ALOX12B: variants seen among roughly 807,000 people sequenced by gnomAD.
The protein encoded by ALOX12B is arachidonate 12-lipoxygenase, 12R type.
Under a neutral mutation model 78.9 loss-of-function variants are expected in ALOX12B, and 47 were observed. That is an observed-to-expected ratio of 0.60 (90% confidence interval 0.47 to 0.76). The LOEUF is 0.76. Ranked by LOEUF, ALOX12B falls within the 30% of genes least tolerant of loss-of-function variation. The probability of loss-of-function intolerance (pLI) is 0.00; values close to 1 mark genes in which losing one functional copy is unlikely to be tolerated. For synonymous variants in ALOX12B, 370 were observed against 374.5 expected, an observed-to-expected ratio of 0.99 and a Z score of 0.14; for missense variants, 805 against 922.6, an observed-to-expected ratio of 0.87 and a Z score of 1.65.
intron 2 of ALOX12B, 151 bp downstream of exon 2, chr17:8,085,865 G>T: frequency 1.1e-6 from 1 of 918,848 alleles, no homozygotes. Flanking sequence ...CTGACTGAGG[G>T]AAATGTGTGA....
Position 8,079,259 on chromosome 17 carries a change from C to A in ALOX12B, c.1071+137G>T. ...CAGATTTTGGCATCCCGGGGAGGTC[C>A]TGGAACCAATCTCTCAAGGATAACG... On this transcript the variant is annotated intron_variant, in intron 8 of 14. Transcript: ENST00000647874. This position sits in a 1 kb window ranked among gnomAD's most constrained non-coding sequence, Gnocchi z 6.4. The A allele has an allele frequency of 7.4e-7, 1 of 1,348,418 alleles. No homozygotes were observed. The highest frequency in any genetic ancestry group is 9.9e-7 in the Non-Finnish European group (1 of 1,009,448). The allele number at this position is 1,348,418 out of a possible 1,614,324, so 83.5% of individuals were successfully genotyped here.
In ALOX12B at chr17:8,080,067, C is replaced by T; in HGVS notation, c.755-126G>A. ...GAGGAAAACGAGGCCCCCAGCCTGGCGCTGAGCGGCCGGAGGAGCCCGGTG... is the reference window on the plus strand; with the variant it reads ...GAGGAAAACGAGGCCCCCAGCCTGGTGCTGAGCGGCCGGAGGAGCCCGGTG... On this transcript the variant is annotated intron_variant, in intron 6 of 14. Coordinates refer to ENST00000647874, the MANE Select transcript of ALOX12B (RefSeq NM_001139.3). The surrounding 1 kb of genome is among the most constrained non-coding windows in gnomAD (Gnocchi z 4.8). The T allele has an allele frequency of 6.6e-7, 1 of 1,504,094 alleles. No individual in the cohort carries two copies. 93.2% of individuals were successfully genotyped at this position (1,504,094 alleles called of 1,614,324 possible).
chr17:8,085,695 C>T (rs1406745050), intron 2 of ALOX12B, among the ~76,000 whole-genome samples: 1 of 152,124 alleles, frequency 6.6e-6, no homozygotes, highest in African/African-American at 2.4e-5. Context: ...TTAACGTGGC[C>T]GGGCATCTTA....
intron 12 of ALOX12B, among the ~76,000 whole-genome samples, chr17:8,074,296 G>C (rs941703451): frequency 9.2e-5 from 14 of 152,116 alleles, no homozygotes; most frequent in Non-Finnish European, 1.5e-4. Flanking sequence ...GGTGTGTCCT[G>C]GTTGCCATGG....
At position 8,078,880 on chromosome 17, in the gene ALOX12B, T is replaced by C. The variant is rs574123485; in HGVS notation, c.1071+516A>G. ...CACAAGAAGATGTGTGTAAGTTATA[T>C]GTAAATACTGGGACTTTTTTTTTTT... On this transcript the variant is annotated intron_variant, in intron 8 of 14. Transcript: ENST00000647874. Among the ~76,000 whole-genome samples, 5 of 149,480 alleles carry C rather than the reference T, an allele frequency of 3.3e-5. No homozygotes were observed. In the South Asian group the frequency reaches 1.1e-3, roughly 32 times the overall value.
In ALOX12B at chr17:8,081,289, G is replaced by GCC; in HGVS notation, c.353-104_353-103dup. 3 of 1,203,024 alleles carry GCC rather than the reference G, an allele frequency of 2.5e-6. No homozygotes were observed. In the South Asian group the frequency reaches 3.8e-5, roughly 15 times the overall value. 74.5% of individuals were successfully genotyped at this position (1,203,024 alleles called of 1,614,324 possible). A position where few individuals can be genotyped will look rare whatever the true frequency, so the allele number is the denominator to read the frequency against. On this transcript the variant is annotated intron_variant, in intron 2 of 14. Coordinates refer to ENST00000647874, the MANE Select transcript of ALOX12B (RefSeq NM_001139.3). Reference sequence around the variant, plus strand: ...TGTGCCCCAGGTCGTCTCTGGGGGGGCCCATGACCAAGGAGTGGGAAGGCT... The same window carrying GCC: ...TGTGCCCCAGGTCGTCTCTGGGGGGGCCCCCATGACCAAGGAGTGGGAAGGCT...
chr17:8,079,833 G>A lies in ALOX12B; in HGVS notation c.863C>T (p.Pro288Leu). Residue 288 changes from proline (P) to leucine (L), a missense_variant, in exon 7 of 15, where the codon CCC becomes CTC. Pro to Leu is a moderately conservative substitution (Grantham distance 98). Transcript: ENST00000647874. This position sits in a 1 kb window ranked among gnomAD's most constrained non-coding sequence, Gnocchi z 6.4. ...RRCTRIPDKFPVTDDMVAPFL... is the reference protein window; with the variant it reads ...RRCTRIPDKFLVTDDMVAPFL... ...CGGAGCCACCATGTCGTCTGTGACGGGGAACTTGTCTGGGATCCGCGTGCA... is the reference window on the plus strand; with the variant it reads ...CGGAGCCACCATGTCGTCTGTGACGAGGAACTTGTCTGGGATCCGCGTGCA... The A allele has an allele frequency of 6.2e-7, 1 of 1,613,642 alleles. No individual in the cohort carries two copies. Among genetic ancestry groups the A allele is most frequent in the Non-Finnish European group, 8.5e-7 (1 of 1,179,974 alleles).
intron 2 of ALOX12B, among the ~76,000 whole-genome samples, chr17:8,083,863 G>A (rs570555894): frequency 2.4e-4 from 36 of 151,334 alleles, no homozygotes; most frequent in African/African-American, 8.7e-4. Flanking sequence ...AGGCTTAGAA[G>A]AATTTGGAAA....
At chr17:8,081,507 T>G in intron 2 of ALOX12B, 1 of 435,558 alleles carries the variant, frequency 2.3e-6, no homozygotes, top group Non-Finnish European at 4.5e-6. Context: ...ACATGCATAG[T>G]GGCCAAGTTA....
intron 2 of ALOX12B, among the ~76,000 whole-genome samples, chr17:8,083,430 C>A (rs917234351): frequency 6.6e-5 from 10 of 152,112 alleles, no homozygotes; most frequent in African/African-American, 2.2e-4. Flanking sequence ...AGTTGTTAAG[C>A]CTTTTAAAAT....
At chr17:8,075,014 G>A (rs1006951320) in intron 12 of ALOX12B, among the ~76,000 whole-genome samples, 2 of 152,168 alleles carry the variant, frequency 1.3e-5, no homozygotes, top group African/African-American at 4.8e-5. Flanking sequence ...TTCCCAAAGT[G>A]GGTTAGGCGC....
At chr17:8,085,865 G>A (rs1385686066) in intron 2 of ALOX12B, 151 bp downstream of exon 2, 5 of 918,730 alleles carry the variant, frequency 5.4e-6, no homozygotes, top group Non-Finnish European at 3.5e-6. Flanking sequence ...CTGACTGAGG[G>A]AAATGTGTGA....
chr17:8,085,898 T>C lies in ALOX12B; in HGVS notation c.352+118A>G, dbSNP rs919590887. 8 of 1,191,480 alleles carry C rather than the reference T, an allele frequency of 6.7e-6. No homozygotes were observed. In the East Asian group the frequency reaches 1.9e-4, roughly 28 times the overall value. 73.8% of individuals were successfully genotyped at this position (1,191,480 alleles called of 1,614,324 possible). Reference sequence around the variant, plus strand: ...TGACAGTGGCAGGAGAGCCCAGGAGTCCCTGGTGGGGCTGGGCCCCCCTCT... The same window carrying C: ...TGACAGTGGCAGGAGAGCCCAGGAGCCCCTGGTGGGGCTGGGCCCCCCTCT... On this transcript the variant is annotated intron_variant, in intron 2 of 14. Transcript: ENST00000647874.
Position 8,080,249 on chromosome 17 carries a change from T to C in ALOX12B, c.740A>G (p.Lys247Arg). Residue 247 changes from lysine (K) to arginine (R), a missense_variant, in exon 6 of 15, where the codon AAA (lysine) becomes AGA (arginine). By Grantham distance (26) the Lys-to-Arg change is conservative. Transcript: ENST00000647874. This position sits in a 1 kb window ranked among gnomAD's most constrained non-coding sequence, Gnocchi z 4.8. Reference sequence around the variant, plus strand: ...CCATTCCATACCGGAGACGACAGATTTCTTGCCAGGGAAAATTTTCCTAAT... The same window carrying C: ...CCATTCCATACCGGAGACGACAGATCTCTTGCCAGGGAAAATTTTCCTAAT... Reference protein sequence around the residue: ...KDIRKIFPGKKSVVSEYVAEH... With the variant: ...KDIRKIFPGKRSVVSEYVAEH... The C allele has an allele frequency of 6.2e-7, 1 of 1,614,176 alleles. No homozygotes were observed. The highest frequency in any genetic ancestry group is 8.5e-7 in the Non-Finnish European group (1 of 1,179,998).
In ALOX12B at chr17:8,079,508, A is replaced by C. The variant is rs1977160089; in HGVS notation, c.959T>G (p.Ile320Ser). 1 of 1,550,730 alleles carries C rather than the reference A, an allele frequency of 6.4e-7. No individual in the cohort carries two copies. Among genetic ancestry groups the C allele is most frequent in the African/African-American group, 1.4e-5 (1 of 73,078 alleles). Residue 320 changes from isoleucine (I) to serine (S), a missense_variant, in exon 8 of 15, where the codon ATC (isoleucine) becomes AGC (serine). Physicochemically the swap from Ile to Ser is moderately radical, Grantham distance 142 (BLOSUM62 -2). Transcript: ENST00000647874. This position sits in a 1 kb window ranked among gnomAD's most constrained non-coding sequence, Gnocchi z 6.4. Reference protein sequence around the residue: ...KGNIYLADYRIMEGIPTVELS... With the variant: ...KGNIYLADYRSMEGIPTVELS... ...CTCCACGGTGGGGATGCCCTCCATG[A>C]TGCGGTAGTCGGCCAGGTAAATGTT...
chr17:8,072,907 G>A lies in ALOX12B; in HGVS notation c.1970C>T (p.Ala657Val), dbSNP rs771062878. 8.1e-6 allele frequency: 13 copies of A among 1,613,956 alleles called. No individual in the cohort carries two copies. The highest frequency in any genetic ancestry group is 1.0e-5 in the Non-Finnish European group (12 of 1,179,946). ...GAACGCCTCTATGCTCCTCCGCGGG[G>A]CCTCCTCCACGAAGTGAATGTCCGG... Reference protein sequence around the residue: ...HFPDIHFVEEAPRRSIEAFRQ... With the variant: ...HFPDIHFVEEVPRRSIEAFRQ... The change falls in exon 15 of 15, where the codon GCC becomes GTC. Residue 657 changes from alanine (A) to valine (V), a missense_variant. Transcript: ENST00000647874.
intron 1 of ALOX12B, 102 bp from the exon 2 acceptor site, chr17:8,086,322 A>G (rs1405281242): frequency 8.6e-7 from 1 of 1,161,686 alleles, no homozygotes; most frequent in African/African-American, 1.5e-5. Context: ...ATGCTGCGCA[A>G]TGCTCACCTC....
At chr17:8,085,235 C>T (rs73239964) in intron 2 of ALOX12B, among the ~76,000 whole-genome samples, 12,952 of 151,980 alleles carry the variant, frequency 0.085, 1,683 homozygotes, top group African/African-American at 0.28. Flanking sequence ...AATGCCAGCA[C>T]TTTGGGAGGC....
rs1227869217 is a variant in ALOX12B at position 8,080,848 on chromosome 17, C to A, written c.527+36G>T. 3 of 1,613,902 alleles carry A rather than the reference C, an allele frequency of 1.9e-6. No individual in the cohort carries two copies. Among genetic ancestry groups the A allele is most frequent in the Non-Finnish European group, 2.5e-6 (3 of 1,179,962 alleles). ...GAGGAGGCAGGCGCCCAGGGGAAAA[C>A]CATGGGCGGGGCCCAGCACAGCTTC... On this transcript the variant is annotated intron_variant, in intron 4 of 14. Coordinates refer to ENST00000647874, the MANE Select transcript of ALOX12B (RefSeq NM_001139.3). The surrounding 1 kb of genome is among the most constrained non-coding windows in gnomAD (Gnocchi z 4.8).
Sources: gnomAD v4.1 joint callset for allele counts (sites outside exome capture counted in the v4.1 genomes callset) on GRCh38, gnomAD v4.1.1 for gene constraint, Gnocchi (gnomAD v3.1) non-coding constraint, MANE v1.5 for transcripts, NCBI Gene and HGNC (gene_info 2026-07-23, HGNC 2026-07-21) for gene names.